Variants in GALNT13 observed in about 807,000 individuals in gnomAD.
The protein encoded by GALNT13 is polypeptide N-acetylgalactosaminyltransferase 13, also known as UDP-GalNAc:polypeptide N-acetylgalactosaminyltransferase 13.
In GALNT13, 28 loss-of-function variants were observed where a neutral mutation model predicts 64.2. That is an observed-to-expected ratio of 0.44 (90% CI 0.32 to 0.60). The LOEUF is 0.60. Among genes scored for constraint, GALNT13 ranks in the 20% least tolerant of loss-of-function variants. GALNT13 has a pLI of 0.05. For missense variants in GALNT13, 577 were observed against 669.8 expected (o/e 0.86, Z 1.53); for synonymous variants, 214 against 224.6 (o/e 0.95, Z 0.42).
rs558249518 is a variant in GALNT13, at chr2:154,007,518, T to C, written c.142+62879T>C. On this transcript the variant is annotated intron_variant, in intron 3 of 12. Transcript: ENST00000392825. ...TTCAAGTTGTGTTAGTATTATATTC[T>C]GAATTGAGTTTGTTAGAATTGATTC... Among the ~76,000 whole-genome samples the C allele has an allele frequency of 5.5e-4, 84 of 152,170 alleles. 1 individual carries two copies. The highest frequency in any genetic ancestry group is 1.9e-3 in the African/African-American group (80 of 41,574).
At chr2:153,332,534 GTTT>G in the GALNT13 span, among the ~76,000 whole-genome samples, 70 of 136,256 alleles carry the variant, frequency 5.1e-4, 1 homozygote, top group Non-Finnish European at 9.9e-4. Context: ...TGAGAGTATT[GTTT>G]TTTTTTTTTT....
At chr2:153,486,513 G>A in the GALNT13 span, among the ~76,000 whole-genome samples, 1 of 152,260 alleles carries the variant, frequency 6.6e-6, no homozygotes, top group East Asian at 1.9e-4. Context: ...GACTGAACTT[G>A]TGTTACCCAG....
At chr2:153,148,094 G>A in the GALNT13 span, among the ~76,000 whole-genome samples, 1 of 151,800 alleles carries the variant, frequency 6.6e-6, no homozygotes, top group Non-Finnish European at 1.5e-5. Flanking sequence ...AAGCACATTT[G>A]GGGGAACTCT....
At chr2:153,499,309 C>G in the GALNT13 span, among the ~76,000 whole-genome samples, 1 of 152,104 alleles carries the variant, frequency 6.6e-6, no homozygotes, top group Non-Finnish European at 1.5e-5. Flanking sequence ...AAAGTTTGTT[C>G]GAGTCTGGCT....
chr2:154,373,338 A>G (rs1697806520), intron 9 of GALNT13, among the ~76,000 whole-genome samples: 1 of 152,160 alleles, frequency 6.6e-6, no homozygotes, highest in African/African-American at 2.4e-5. Context: ...TGTACTTGTC[A>G]TTTAAATTGA....
intron 3 of GALNT13, among the ~76,000 whole-genome samples, chr2:154,138,573 TAAAA>T (rs34134880): frequency 1.4e-5 from 2 of 138,220 alleles, no homozygotes; most frequent in African/African-American, 5.4e-5. Flanking sequence ...CAAGATATGT[TAAAA>T]AAAAAAAAAA....
At chr2:154,122,818 A>G (rs139001570) in intron 3 of GALNT13, among the ~76,000 whole-genome samples, 7 of 152,116 alleles carry the variant, frequency 4.6e-5, no homozygotes, top group Non-Finnish European at 1.0e-4. Flanking sequence ...TTCTCAAACT[A>G]CAGATCTAAG....
chr2:153,757,289 C>G, the GALNT13 span, among the ~76,000 whole-genome samples: 4 of 152,178 alleles, frequency 2.6e-5, no homozygotes, highest in East Asian at 7.7e-4. Context: ...CTATAGCTGG[C>G]TTATTTTACT....
chr2:153,126,294 TTGTATATATATA>T, the GALNT13 span, among the ~76,000 whole-genome samples: 121 of 50,942 alleles, frequency 2.4e-3, 3 homozygotes, highest in Admixed American at 9.5e-3. Flanking sequence ...AGTATTGATT[TTGTATATATATA>T]TATATATATA....
chr2:153,129,451 T>C, the GALNT13 span, among the ~76,000 whole-genome samples: 2 of 151,988 alleles, frequency 1.3e-5, no homozygotes, highest in African/African-American at 2.4e-5. Context: ...TCAATCAGAT[T>C]GGAGGTAAGG....
the GALNT13 span, among the ~76,000 whole-genome samples, chr2:153,640,660 T>C: frequency 6.6e-6 from 1 of 152,054 alleles, no homozygotes; most frequent in Non-Finnish European, 1.5e-5. Context: ...CACACGACTG[T>C]AGTCCCAGCT....
the GALNT13 span, among the ~76,000 whole-genome samples, chr2:153,174,433 A>G: frequency 3.3e-5 from 5 of 151,722 alleles, no homozygotes; most frequent in Admixed American, 6.6e-5. Flanking sequence ...TTTTCCAGCA[A>G]TAACATTGGT....
chr2:154,139,218 G>A (rs1327374921), intron 3 of GALNT13, among the ~76,000 whole-genome samples: 1 of 151,960 alleles, frequency 6.6e-6, no homozygotes, highest in African/African-American at 2.4e-5. Context: ...GGCTATGATG[G>A]TTGGCTCAGA....
At chr2:153,307,340 A>C in the GALNT13 span, among the ~76,000 whole-genome samples, 1 of 152,164 alleles carries the variant, frequency 6.6e-6, no homozygotes, top group Non-Finnish European at 1.5e-5. Flanking sequence ...TTTTTGAAAA[A>C]AGCATTACAA....
the GALNT13 span, among the ~76,000 whole-genome samples, chr2:153,656,317 A>AT: frequency 6.7e-6 from 1 of 149,362 alleles, no homozygotes; most frequent in Non-Finnish European, 1.5e-5. Flanking sequence ...GACTTAAAGA[A>AT]GTGTGTGTGT....
chr2:154,169,705 G>A (rs1398095976), intron 4 of GALNT13, among the ~76,000 whole-genome samples: 1 of 152,150 alleles, frequency 6.6e-6, no homozygotes, highest in Non-Finnish European at 1.5e-5. Context: ...CTGATAACTG[G>A]AGCTGCTCAC....
the GALNT13 span, among the ~76,000 whole-genome samples, chr2:153,494,419 T>C: frequency 6.6e-6 from 1 of 151,930 alleles, no homozygotes; most frequent in Non-Finnish European, 1.5e-5. Context: ...GATATAAAGG[T>C]CAATATAATA....
chr2:153,154,907 A>G, the GALNT13 span, among the ~76,000 whole-genome samples: 1 of 152,060 alleles, frequency 6.6e-6, no homozygotes, highest in Non-Finnish European at 1.5e-5. Flanking sequence ...TTCCTTCAGT[A>G]CCTAGCTTAT....
chr2:153,248,914 A>G, the GALNT13 span, among the ~76,000 whole-genome samples: 1 of 151,982 alleles, frequency 6.6e-6, no homozygotes, highest in African/African-American at 2.4e-5. Context: ...CAAACCCAGA[A>G]CAAATATCAT....
Sources: allele counts gnomAD v4.1 joint callset (sites outside exome capture counted in the v4.1 genomes callset), GRCh38; gene constraint gnomAD v4.1.1; transcripts MANE v1.5; gene names NCBI Gene and HGNC (gene_info 2026-07-23, HGNC 2026-07-21).